The following SIPA1L3 variants were observed in gnomAD, a reference collection of about 807,000 sequenced individuals.
The protein encoded by SIPA1L3 is signal induced proliferation associated 1 like 3, also known as signal-induced proliferation-associated 1-like protein 3.
In SIPA1L3, 59 loss-of-function variants were observed where a neutral mutation model predicts 150.1. The ratio of observed to expected loss-of-function variants is 0.39; its 90% CI spans 0.32 to 0.49. The LOEUF (loss-of-function observed/expected upper bound fraction) is 0.49, where lower values mean the gene tolerates loss of function less well. Among genes scored for constraint, SIPA1L3 ranks in the 20% least tolerant of loss-of-function variants. The pLI is 0.86. For synonymous variants in SIPA1L3, 1,070 were observed against 1,077.6 expected (o/e 0.99, Z 0.14); for missense variants, 2,211 against 2,489.5 (o/e 0.89, Z 2.38).
chr19:38,054,848 G>C (rs1599960198), intron 2 of SIPA1L3, among the ~76,000 whole-genome samples: 1 of 152,314 alleles, frequency 6.6e-6, no homozygotes, highest in East Asian at 1.9e-4. Context: ...CGCTGCTCAG[G>C]CCATGGGGAT....
chr19:37,956,726 C>T (rs1460237198), intron 1 of SIPA1L3, among the ~76,000 whole-genome samples: 6 of 152,144 alleles, frequency 3.9e-5, no homozygotes, highest in South Asian at 2.1e-4. Context: ...TCAAGTGATC[C>T]GCCCACCTTG....
chr19:37,950,519 G>A lies in SIPA1L3; in HGVS notation c.-379+43161G>A, dbSNP rs185228555. On this transcript the variant is annotated intron_variant, in intron 1 of 21. Transcript: ENST00000222345. The stretch of plus-strand genomic sequence containing the variant: ...CTCGATCATTGGATGTACGTTTGTC[G>A]TCTGAGATTTGGGGCGACTGGAAAT... Among the ~76,000 whole-genome samples, 12 of 152,310 alleles carry A rather than the reference G, an allele frequency of 7.9e-5. No homozygotes were observed. The East Asian group carries it at 1.2e-3, about 15-fold the overall frequency.
intron 1 of SIPA1L3, among the ~76,000 whole-genome samples, chr19:37,928,560 A>G (rs1407768394): frequency 6.6e-6 from 1 of 152,072 alleles, no homozygotes; most frequent in Non-Finnish European, 1.5e-5. Flanking sequence ...GCGCAACAGA[A>G]TGAGTGAGAC....
intron 12 of SIPA1L3, among the ~76,000 whole-genome samples, chr19:38,143,929 G>A (rs924553974): frequency 6.6e-6 from 1 of 152,068 alleles, no homozygotes; most frequent in Non-Finnish European, 1.5e-5. Context: ...GCCCCTCCCT[G>A]TGGCCACCAG....
intron 2 of SIPA1L3, among the ~76,000 whole-genome samples, chr19:38,045,521 A>G (rs1214208885): frequency 1.3e-5 from 2 of 149,308 alleles, no homozygotes; most frequent in Non-Finnish European, 3.0e-5. Flanking sequence ...GCAGTGAGCC[A>G]TGATCACGCC....
chr19:38,181,203 C>T (rs1255858066), intron 15 of SIPA1L3, among the ~76,000 whole-genome samples: 1 of 152,184 alleles, frequency 6.6e-6, no homozygotes, highest in Non-Finnish European at 1.5e-5. Context: ...GGTCAATTTT[C>T]GGAGTACTGA....
In SIPA1L3 at chr19:38,163,680, C is replaced by T. The variant is rs372318729; in HGVS notation, c.3781-799C>T. On this transcript the variant is annotated intron_variant, in intron 14 of 21. Transcript: ENST00000222345. ...GCAGAGGGAGCAGCAGGCGCAGAGG[C>T]CCTGACGGGGAGTGCCCAGTATGTT... 1.3e-4 allele frequency among the ~76,000 whole-genome samples: 19 copies of T among 151,908 alleles called. No individual in the cohort carries two copies. The East Asian group carries it at 1.5e-3, about 12-fold the overall frequency.
At chr19:37,951,589 G>GA (rs913261419) in intron 1 of SIPA1L3, among the ~76,000 whole-genome samples, 22 of 151,484 alleles carry the variant, frequency 1.5e-4, no homozygotes, top group South Asian at 8.4e-4. Context: ...ACAGAAGTGG[G>GA]AAAAAAAACA....
intron 18 of SIPA1L3, among the ~76,000 whole-genome samples, chr19:38,194,858 C>G (rs1249077598): frequency 6.6e-6 from 1 of 152,222 alleles, no homozygotes; most frequent in Admixed American, 6.5e-5. Context: ...CGAGACCAGC[C>G]TGGCCAATGT....
intron 6 of SIPA1L3, among the ~76,000 whole-genome samples, chr19:38,103,928 A>G (rs2145865059): frequency 6.6e-6 from 1 of 151,062 alleles, no homozygotes; most frequent in Non-Finnish European, 1.5e-5. Context: ...AAAAGGAAAG[A>G]AAAAAATATA....
At chr19:38,180,778 C>T (rs909522055) in intron 15 of SIPA1L3, among the ~76,000 whole-genome samples, 5 of 149,468 alleles carry the variant, frequency 3.3e-5, no homozygotes, top group East Asian at 4.1e-4. Flanking sequence ...CTTCTGAGCT[C>T]AGGTTATCTG....
intron 14 of SIPA1L3, among the ~76,000 whole-genome samples, chr19:38,162,705 A>G (rs995540576): frequency 1.4e-4 from 21 of 152,344 alleles, no homozygotes; most frequent in Non-Finnish European, 2.5e-4. Context: ...AGCGCAGTGC[A>G]GGTATTCAGT....
At chr19:38,112,483 C>T (rs868314877) in intron 8 of SIPA1L3, among the ~76,000 whole-genome samples, 2 of 152,204 alleles carry the variant, frequency 1.3e-5, no homozygotes, top group African/African-American at 4.8e-5. Flanking sequence ...CTTCCGGGCT[C>T]GCCTCTGCAT....
At chr19:38,110,986 C>T (rs922747700) in intron 8 of SIPA1L3, among the ~76,000 whole-genome samples, 2 of 150,772 alleles carry the variant, frequency 1.3e-5, no homozygotes, top group African/African-American at 4.9e-5. Context: ...GTAGGCCCCA[C>T]TTTGGAGGTA....
At chr19:38,116,480 G>A (rs1470156224) in intron 8 of SIPA1L3, among the ~76,000 whole-genome samples, 1 of 142,142 alleles carries the variant, frequency 7.0e-6, no homozygotes, top group Non-Finnish European at 1.5e-5. Flanking sequence ...CCGAGATCGC[G>A]CCACTGCAAT....
intron 1 of SIPA1L3, among the ~76,000 whole-genome samples, chr19:37,959,116 G>C (rs541810775): frequency 1.5e-3 from 227 of 152,232 alleles, no homozygotes; most frequent in African/African-American, 5.4e-3. Context: ...AAAACAATTT[G>C]GCAGTTACTC....
intron 2 of SIPA1L3, among the ~76,000 whole-genome samples, chr19:38,062,083 C>A (rs984540944): frequency 6.6e-6 from 1 of 151,700 alleles, no homozygotes; most frequent in Admixed American, 6.6e-5. Context: ...TGCCATGTGC[C>A]CCTTAGTATG....
Position 38,046,127 on chromosome 19 carries a change from G to A in SIPA1L3, c.-311+16971G>A, listed in dbSNP as rs1341969232. Among the ~76,000 whole-genome samples, 1 of 152,082 alleles carries A rather than the reference G, an allele frequency of 6.6e-6. No homozygotes were observed. The highest frequency in any genetic ancestry group is 1.9e-4 in the East Asian group (1 of 5,172). Reference sequence around the variant, plus strand: ...GCCGTCATCTGGCCACTCAGTCGGCGGGGTTGAGAGGAGCTTTCTATAGAC... The same window carrying A: ...GCCGTCATCTGGCCACTCAGTCGGCAGGGTTGAGAGGAGCTTTCTATAGAC... On this transcript the variant is annotated intron_variant, in intron 2 of 21. Transcript: ENST00000222345. The surrounding 1 kb of genome is among the most constrained non-coding windows in gnomAD (Gnocchi z 5.6).
intron 15 of SIPA1L3, among the ~76,000 whole-genome samples, chr19:38,166,103 G>T (rs1395291087): frequency 2.0e-5 from 3 of 152,104 alleles, no homozygotes; most frequent in Non-Finnish European, 4.4e-5. Flanking sequence ...TGATGCTGCT[G>T]GTCCCAGGAC....
Sources: allele counts gnomAD v4.1 joint callset (sites outside exome capture counted in the v4.1 genomes callset), GRCh38; gene constraint gnomAD v4.1.1; non-coding constraint Gnocchi (gnomAD v3.1); transcripts MANE v1.5; gene names NCBI Gene and HGNC (gene_info 2026-07-23, HGNC 2026-07-21).